DAPP1: variants seen among roughly 807,000 people sequenced by gnomAD.
The protein encoded by DAPP1 is dual adapter for phosphotyrosine and 3-phosphotyrosine and 3-phosphoinositide.
Under a neutral mutation model 41.5 loss-of-function variants are expected in DAPP1, and 20 were observed. The ratio of observed to expected loss-of-function variants is 0.48; its 90% CI spans 0.34 to 0.70. DAPP1 has a LOEUF of 0.70. Among genes scored for constraint, DAPP1 ranks in the 30% least tolerant of loss-of-function variants. The pLI is 0.01. For missense variants in DAPP1, 233 were observed against 333.4 expected, an observed-to-expected ratio of 0.70 and a Z score of 2.35; for synonymous variants, 113 against 116.2, an observed-to-expected ratio of 0.97 and a Z score of 0.18.
chr4:99,818,141 G>A (rs371169267), intron 1 of DAPP1, among the ~76,000 whole-genome samples: 10 of 152,164 alleles, frequency 6.6e-5, no homozygotes, highest in African/African-American at 1.4e-4. Context: ...CTGAGGTCTC[G>A]GAATTGAACT....
At chr4:99,832,774 A>G (rs1278423884) in intron 1 of DAPP1, among the ~76,000 whole-genome samples, 6 of 152,256 alleles carry the variant, frequency 3.9e-5, no homozygotes, top group African/African-American at 1.4e-4. Context: ...AATTCTATAA[A>G]TGTTTTAAAC....
chr4:99,871,869 CCAGA>C (rs761613871), downstream of DAPP1, among the ~76,000 whole-genome samples: 10 of 152,204 alleles, frequency 6.6e-5, no homozygotes, highest in Non-Finnish European at 1.2e-4. Context: ...TCTCCAGTGG[CCAGA>C]CAATGAGATT....
intron 5 of DAPP1, among the ~76,000 whole-genome samples, chr4:99,862,497 A>G (rs986652015): frequency 6.6e-5 from 10 of 152,174 alleles, no homozygotes; most frequent in African/African-American, 2.4e-4. Context: ...GTTGTTTGTA[A>G]GACAAGAATA....
intron 3 of DAPP1, 89 bp downstream of exon 3, chr4:99,840,511 T>A: frequency 7.1e-7 from 1 of 1,405,072 alleles, no homozygotes; most frequent in Non-Finnish European, 9.7e-7. Context: ...ATGTCATTGT[T>A]GTCATTTATA....
intron 1 of DAPP1, among the ~76,000 whole-genome samples, chr4:99,821,187 C>A (rs1056611229): frequency 5.9e-5 from 9 of 152,184 alleles, no homozygotes; most frequent in African/African-American, 2.2e-4. Context: ...TGTGATAGTC[C>A]TAATTTACTG....
Position 99,869,803 on chromosome 4 carries a change from G to C in DAPP1, c.*1618G>C, listed in dbSNP as rs555959532. ...AAATTAGCTGGGCATGGTGGCAGGC[G>C]CCTGTAATCCCAGCTACTCAGGAGG... On this transcript the variant is annotated 3_prime_UTR_variant, in exon 9 of 9. Coordinates refer to ENST00000512369, the MANE Select transcript of DAPP1 (RefSeq NM_014395.3). The C allele has an allele frequency of 3.9e-5, 6 of 152,114 alleles. No individual in the cohort carries two copies. Among genetic ancestry groups the C allele is most frequent in the Non-Finnish European group, 8.8e-5 (6 of 68,022 alleles). 9.4% of individuals were successfully genotyped at this position (152,114 alleles called of 1,614,324 possible).
intron 4 of DAPP1, among the ~76,000 whole-genome samples, chr4:99,854,887 C>T (rs1723992254): frequency 6.6e-6 from 1 of 152,210 alleles, no homozygotes; most frequent in East Asian, 1.9e-4. Flanking sequence ...GCCCTCCCCA[C>T]CAGCCAGAAA....
At chr4:99,866,653 T>A in intron 8 of DAPP1, 1 of 759,960 alleles carries the variant, frequency 1.3e-6, no homozygotes, top group Non-Finnish European at 2.4e-6. Flanking sequence ...ATCTTCTACT[T>A]GTTTTTCATG....
At chr4:99,817,361 C>A (rs1339088853) in intron 1 of DAPP1, among the ~76,000 whole-genome samples, 1 of 152,122 alleles carries the variant, frequency 6.6e-6, no homozygotes, top group Admixed American at 6.5e-5. Context: ...TGAATAAATG[C>A]GCTGTTCAAG....
chr4:99,850,947 G>A (rs1010061529), intron 3 of DAPP1, among the ~76,000 whole-genome samples: 1 of 152,212 alleles, frequency 6.6e-6, no homozygotes, highest in African/African-American at 2.4e-5. Flanking sequence ...GTCCAAGGCC[G>A]ATAAGTACTG....
chr4:99,837,420 G>C (rs1001147590), intron 2 of DAPP1, among the ~76,000 whole-genome samples: 1 of 152,154 alleles, frequency 6.6e-6, no homozygotes. Context: ...GAGGGTGATG[G>C]GGTAAGTAGG....
At chr4:99,843,987 T>C (rs1200475088) in intron 3 of DAPP1, among the ~76,000 whole-genome samples, 2 of 152,252 alleles carry the variant, frequency 1.3e-5, no homozygotes, top group Non-Finnish European at 2.9e-5. Flanking sequence ...TTTGAAATGA[T>C]ATTTTGTGTT....
intron 4 of DAPP1, among the ~76,000 whole-genome samples, chr4:99,857,294 C>T (rs1034605208): frequency 6.6e-6 from 1 of 152,140 alleles, no homozygotes; most frequent in Non-Finnish European, 1.5e-5. Context: ...AGAAGGCTAA[C>T]TCTGCAGGAG....
At chr4:99,849,913 T>A (rs1477426686) in intron 3 of DAPP1, among the ~76,000 whole-genome samples, 3 of 151,952 alleles carry the variant, frequency 2.0e-5, no homozygotes, top group African/African-American at 7.3e-5. Context: ...CAGAGGAAAA[T>A]GGCCACAAGT....
chr4:99,840,660 A>G (rs1473215423), intron 3 of DAPP1, among the ~76,000 whole-genome samples: 2 of 152,226 alleles, frequency 1.3e-5, no homozygotes, highest in Non-Finnish European at 2.9e-5. Context: ...CATATACAAT[A>G]CACACAAAAA....
intron 3 of DAPP1, among the ~76,000 whole-genome samples, chr4:99,850,034 G>A (rs994169242): frequency 6.6e-5 from 10 of 152,214 alleles, no homozygotes; most frequent in Admixed American, 6.5e-5. Flanking sequence ...GACCCATTTC[G>A]AACTTCTGAC....
In DAPP1 at chr4:99,817,015, G is replaced by A; in HGVS notation, c.101+1G>A. ...AGGCTGAGCTGCTCCAGGACTTGGGGTAAGGCAGCAGATCTCCTTTCAAAG... is the reference window on the plus strand; with the variant it reads ...AGGCTGAGCTGCTCCAGGACTTGGGATAAGGCAGCAGATCTCCTTTCAAAG... On this transcript the variant is annotated splice_donor_variant, in intron 1 of 8. Transcript: ENST00000512369. LOFTEE classifies it high-confidence loss of function. 1 of 1,593,964 alleles carries A rather than the reference G, an allele frequency of 6.3e-7. No homozygotes were observed. The highest frequency in any genetic ancestry group is 2.3e-5 in the East Asian group (1 of 43,808).
At chr4:99,823,922 G>T (rs1221857586) in intron 1 of DAPP1, among the ~76,000 whole-genome samples, 1 of 152,154 alleles carries the variant, frequency 6.6e-6, no homozygotes, top group Non-Finnish European at 1.5e-5. Context: ...AACAAAACTA[G>T]TTCTGCTTTT....
Position 99,835,716 on chromosome 4 carries a change from G to C in DAPP1, c.195G>C (p.Glu65Asp), listed in dbSNP as rs1387030622. ...GCTACCTTCTGAGGGACAGCAATGA[G>C]ACCACCGGGCTGTACTCTCTCTCTG... ...DGSYLLRDSN[E>D]TTGLYSLSVR... is the part of the protein sequence containing the mutation. Residue 65 changes from glutamate to aspartate, a missense_variant, in exon 2 of 9, where the codon GAG becomes GAC. Transcript: ENST00000512369. The C allele has an allele frequency of 2.5e-6, 4 of 1,613,700 alleles. No homozygotes were observed. The African/African-American group carries it at 5.3e-5, about 22-fold the overall frequency.
Sources: gnomAD v4.1 joint callset for allele counts (sites outside exome capture counted in the v4.1 genomes callset) on GRCh38, gnomAD v4.1.1 for gene constraint, MANE v1.5 for transcripts, NCBI Gene and HGNC (gene_info 2026-07-23, HGNC 2026-07-21) for gene names.